RASEF: variants seen among roughly 807,000 people sequenced by gnomAD.
RASEF encodes the protein ras and EF-hand domain-containing protein.
In RASEF, 68 loss-of-function variants were observed where a neutral mutation model predicts 90.1. The observed-to-expected ratio is 0.75, with a 90% CI of 0.62 to 0.92. RASEF has a LOEUF of 0.92. RASEF is among the 40% of genes least tolerant of loss of function. The pLI is 0.00. For synonymous variants in RASEF, 331 were observed against 345.2 expected, an observed-to-expected ratio of 0.96 and a Z score of 0.46; for missense variants, 949 against 937.2, an observed-to-expected ratio of 1.01 and a Z score of -0.16.
chr9:83,147,010 ATGTGTG>A, the RASEF span, among the ~76,000 whole-genome samples: 10 of 143,680 alleles, frequency 7.0e-5, no homozygotes, highest in African/African-American at 2.6e-4. Context: ...GCGTGTGTAT[ATGTGTG>A]TGTGTGTGTG....
the RASEF span, among the ~76,000 whole-genome samples, chr9:83,097,403 G>A: frequency 6.6e-6 from 1 of 152,210 alleles, no homozygotes; most frequent in Admixed American, 6.5e-5. Flanking sequence ...ATTGACAAAT[G>A]GGATCTAATT....
intron 1 of RASEF, among the ~76,000 whole-genome samples, chr9:83,036,827 T>G (rs535023621): frequency 1.3e-5 from 2 of 152,244 alleles, no homozygotes; most frequent in East Asian, 3.9e-4. Flanking sequence ...AGCAAGATAT[T>G]AATAAATAAG....
Position 83,062,989 on chromosome 9 carries a change from T to G in RASEF, c.-122A>C. 9.0e-7 allele frequency: 1 copy of G among 1,112,632 alleles called. No individual in the cohort carries two copies. The highest frequency in any genetic ancestry group is 2.0e-5 in the South Asian group (1 of 49,492). 68.9% of individuals were successfully genotyped at this position (1,112,632 alleles called of 1,614,324 possible). On this transcript the variant is annotated 5_prime_UTR_variant, in exon 1 of 17. Coordinates refer to ENST00000376447, the MANE Select transcript of RASEF (RefSeq NM_152573.4). The stretch of plus-strand genomic sequence containing the variant: ...GGCGAGTTTGGCTCGTCCGGCTGGT[T>G]CGGCCACTTGAGGGAACGTCGGGCG...
At chr9:83,068,065 A>T (rs1370162382), upstream of RASEF, among the ~76,000 whole-genome samples, 1 of 151,968 alleles carries the variant, frequency 6.6e-6, no homozygotes, top group Non-Finnish European at 1.5e-5. Flanking sequence ...TTTTTTGTAG[A>T]GTTTCTCTAC....
intron 2 of RASEF, 47 bp downstream of exon 2, chr9:83,025,728 C>T: frequency 6.3e-7 from 1 of 1,588,278 alleles, no homozygotes; most frequent in Non-Finnish European, 8.6e-7. Context: ...GGTCAGAGAG[C>T]AAGTTAAAGC....
intron 16 of RASEF, 104 bp downstream of exon 16, chr9:82,990,287 G>T (rs1191660992): frequency 1.3e-6 from 1 of 743,780 alleles, no homozygotes; most frequent in Non-Finnish European, 2.3e-6. Flanking sequence ...TGACAGATAA[G>T]AGAGTGTTTT....
chr9:83,015,390 G>T (rs958578522), intron 4 of RASEF, among the ~76,000 whole-genome samples: 3 of 152,192 alleles, frequency 2.0e-5, no homozygotes, highest in Non-Finnish European at 4.4e-5. Context: ...GCCCTTAAAA[G>T]GTCTTTCAGG....
At chr9:83,018,409 G>A (rs547416645) in intron 3 of RASEF, among the ~76,000 whole-genome samples, 103 of 152,204 alleles carry the variant, frequency 6.8e-4, no homozygotes, top group Non-Finnish European at 1.3e-3. Flanking sequence ...TATCTAAGAT[G>A]TACAAGATCT....
chr9:83,137,759 G>T, the RASEF span, among the ~76,000 whole-genome samples: 1 of 148,480 alleles, frequency 6.7e-6, no homozygotes. Context: ...GGTAGTGGTA[G>T]ATCAGCCACA....
At chr9:83,047,922 T>C (rs1829962183) in intron 1 of RASEF, among the ~76,000 whole-genome samples, 1 of 152,238 alleles carries the variant, frequency 6.6e-6, no homozygotes. Context: ...CTGGAAATAC[T>C]GTCTCTTTAG....
the RASEF span, among the ~76,000 whole-genome samples, chr9:83,082,699 A>G: frequency 6.6e-6 from 1 of 152,230 alleles, no homozygotes; most frequent in Non-Finnish European, 1.5e-5. Flanking sequence ...CTAAATTAAA[A>G]TAAGACTTCA....
In RASEF at chr9:82,997,044, G is replaced by T; in HGVS notation, c.1888C>A (p.Leu630Ile). ...ATATCTACCCATTCTCGTATGTTAA[G>T]AAAGCTTTTCTCACATGTAACATCA... ...LYDVTCEKSF[L>I]NIREWVDMIE... The change falls in exon 14 of 17, where the codon CTT (leucine) becomes ATT (isoleucine). Residue 630 changes from leucine to isoleucine, a missense_variant. Leu to Ile is a conservative substitution (Grantham distance 5). Transcript: ENST00000376447. The T allele has an allele frequency of 6.2e-7, 1 of 1,611,328 alleles. No homozygotes were observed. Among genetic ancestry groups the T allele is most frequent in the Non-Finnish European group, 8.5e-7 (1 of 1,177,544 alleles).
chr9:83,164,347 G>GTGTATATATATATATATA, the RASEF span, among the ~76,000 whole-genome samples: 2 of 129,988 alleles, frequency 1.5e-5, no homozygotes, highest in African/African-American at 2.8e-5. Flanking sequence ...GTATATGTGT[G>GTGTATATATATATATATA]TATATATATA....
At chr9:83,106,559 G>A in the RASEF span, among the ~76,000 whole-genome samples, 603 of 152,252 alleles carry the variant, frequency 4.0e-3, 5 homozygotes, top group African/African-American at 0.014. Context: ...CCAAGTGGAT[G>A]ACCCATGTAA....
At chr9:83,053,734 G>C (rs1008613275) in intron 1 of RASEF, among the ~76,000 whole-genome samples, 2 of 146,906 alleles carry the variant, frequency 1.4e-5, no homozygotes, top group Non-Finnish European at 2.9e-5. Context: ...TTTTAGGGCA[G>C]GCCTGGTGGT....
In RASEF at chr9:83,008,393, GT is replaced by G. The variant is rs548860466; in HGVS notation, c.960-889del. On this transcript the variant is annotated intron_variant, in intron 6 of 16. Transcript: ENST00000376447. ...AAACTTTTGCTTTTCTATTCAAAAT[GT>G]CTCTTTCTGCCCTGTGGTCTGACCA... Among the ~76,000 whole-genome samples, 7 of 151,828 alleles carry G rather than the reference GT, an allele frequency of 4.6e-5. No homozygotes were observed. The South Asian group carries it at 1.2e-3, about 27-fold the overall frequency.
At chr9:83,192,528 G>A in the RASEF span, among the ~76,000 whole-genome samples, 1 of 152,224 alleles carries the variant, frequency 6.6e-6, no homozygotes, top group African/African-American at 2.4e-5. Context: ...ACACAGAAAG[G>A]TGTACAACAG....
the RASEF span, among the ~76,000 whole-genome samples, chr9:83,074,450 T>A: frequency 6.6e-6 from 1 of 152,204 alleles, no homozygotes; most frequent in Admixed American, 6.5e-5. Flanking sequence ...AAACCAGCCA[T>A]ATTCCAAAGG....
the RASEF span, among the ~76,000 whole-genome samples, chr9:83,068,664 T>C: frequency 6.6e-6 from 1 of 152,234 alleles, no homozygotes; most frequent in Non-Finnish European, 1.5e-5. Flanking sequence ...GATACTGAGC[T>C]GAGAACACAG....
Sources: gnomAD v4.1 joint callset for allele counts (sites outside exome capture counted in the v4.1 genomes callset) on GRCh38, gnomAD v4.1.1 for gene constraint, MANE v1.5 for transcripts, NCBI Gene and HGNC (gene_info 2026-07-23, HGNC 2026-07-21) for gene names.